Variants in COP1 observed in about 807,000 individuals in gnomAD.
COP1 encodes COP1 E3 ubiquitin ligase, also known as E3 ubiquitin-protein ligase COP1.
A neutral mutation model predicts 101.3 loss-of-function variants in COP1; 24 were observed. The ratio of observed to expected loss-of-function variants is 0.24; its 90% CI spans 0.17 to 0.33. The LOEUF is 0.33. COP1 is among the 10% of genes least tolerant of loss of function. COP1 has a pLI of 1.00. For synonymous variants in COP1, 347 were observed against 341.9 expected (o/e 1.01, Z -0.17); for missense variants, 663 against 906.2 (o/e 0.73, Z 3.45).
chr1:176,173,117 C>G (rs1022630569), intron 3 of COP1, among the ~76,000 whole-genome samples: 3 of 151,996 alleles, frequency 2.0e-5, no homozygotes, highest in African/African-American at 7.2e-5. Flanking sequence ...TGAGACCAGT[C>G]TGGCCAACAT....
intron 5 of COP1, among the ~76,000 whole-genome samples, chr1:176,151,891 C>T (rs1692656139): frequency 6.6e-6 from 1 of 151,430 alleles, no homozygotes; most frequent in Non-Finnish European, 1.5e-5. Context: ...GTTCATCTTC[C>T]CAAGTACAGT....
intron 5 of COP1, among the ~76,000 whole-genome samples, chr1:176,158,627 GTTCT>G (rs1414524117): frequency 3.8e-5 from 5 of 131,790 alleles, no homozygotes; most frequent in African/African-American, 1.4e-4. Context: ...TGTTTTTAAG[GTTCT>G]TTTTTTTTTT....
At chr1:175,997,156 C>G (rs1384436004) in intron 15 of COP1, among the ~76,000 whole-genome samples, 1 of 151,046 alleles carries the variant, frequency 6.6e-6, no homozygotes, top group East Asian at 1.9e-4. Context: ...GGAAAGGATT[C>G]CCTATTTAAT....
intron 15 of COP1, among the ~76,000 whole-genome samples, chr1:176,015,194 T>C (rs900348833): frequency 6.6e-6 from 1 of 152,054 alleles, no homozygotes; most frequent in Admixed American, 6.6e-5. Flanking sequence ...CTAGAGAAGT[T>C]TGAAAGAGAT....
At chr1:176,180,674 T>C (rs1375089211) in intron 2 of COP1, among the ~76,000 whole-genome samples, 3 of 152,226 alleles carry the variant, frequency 2.0e-5, no homozygotes, top group Non-Finnish European at 4.4e-5. Context: ...TGCTAACAAA[T>C]ATAAATATCT....
chr1:175,948,171 T>C (rs1649421536), intron 18 of COP1, among the ~76,000 whole-genome samples: 1 of 152,208 alleles, frequency 6.6e-6, no homozygotes. Flanking sequence ...AAAACATTTC[T>C]CTGGAAAGTA....
chr1:176,058,843 G>A (rs1003375818), intron 11 of COP1, among the ~76,000 whole-genome samples: 2 of 77,802 alleles, frequency 2.6e-5, no homozygotes, highest in Non-Finnish European at 7.1e-5. Flanking sequence ...GTGGTAACAC[G>A]CCTCCTCAGA....
chr1:176,132,072 T>C (rs768398066), intron 8 of COP1, among the ~76,000 whole-genome samples: 1 of 151,648 alleles, frequency 6.6e-6, no homozygotes, highest in East Asian at 1.9e-4. Context: ...ACCTCTTCTA[T>C]CAATAAAATC....
intron 9 of COP1, among the ~76,000 whole-genome samples, chr1:176,097,736 G>A (rs1362991293): frequency 6.6e-6 from 1 of 151,898 alleles, no homozygotes; most frequent in Non-Finnish European, 1.5e-5. Context: ...AGGTGTGGTG[G>A]GACATGCCTG....
rs553240016 is a variant in COP1 at position 175,999,476 on chromosome 1, G to C, written c.1730-9997C>G. 3.9e-4 allele frequency among the ~76,000 whole-genome samples: 59 copies of C among 151,864 alleles called. No homozygotes were observed. In the South Asian group the frequency reaches 9.5e-3, roughly 25 times the overall value. ...TAATGGCTGAATAGTACTCCATTTT[G>C]TATATGTACCACATTTCCCTTATTC... On this transcript the variant is annotated intron_variant, in intron 15 of 19. Coordinates refer to ENST00000367669, the MANE Select transcript of COP1 (RefSeq NM_022457.7).
In COP1 at chr1:176,081,294, GAAA is replaced by G. The variant is rs56720201; in HGVS notation, c.1142-10_1142-8del. The G allele has an allele frequency of 3.7e-3, 4,668 of 1,257,576 alleles. No individual in the cohort carries two copies. Among genetic ancestry groups the G allele is most frequent in the South Asian group, 7.9e-3 (486 of 61,188 alleles). The allele number at this position is 1,257,576 out of a possible 1,614,324, so 77.9% of individuals were successfully genotyped here. A position where few individuals can be genotyped will look rare whatever the true frequency, so the allele number is the denominator to read the frequency against. On this transcript the variant is annotated splice_region_variant and splice_polypyrimidine_tract_variant and intron_variant, in intron 10 of 19. Transcript: ENST00000367669. Reference sequence around the variant, plus strand: ...CTTGCAGTTCGACTGTCATCTATATGAAAAAAAAAAAAAAAAGACAAAACAGAT... The same window carrying G: ...CTTGCAGTTCGACTGTCATCTATATGAAAAAAAAAAAAAGACAAAACAGAT...
chr1:176,155,660 T>C (rs1384375371), intron 5 of COP1, among the ~76,000 whole-genome samples: 2 of 151,878 alleles, frequency 1.3e-5, no homozygotes, highest in African/African-American at 2.4e-5. Flanking sequence ...GATCCTCTTG[T>C]TGCATGAAAC....
intron 2 of COP1, among the ~76,000 whole-genome samples, chr1:176,180,455 T>A (rs1166257017): frequency 6.6e-6 from 1 of 152,120 alleles, no homozygotes; most frequent in Non-Finnish European, 1.5e-5. Flanking sequence ...CAACAACAGG[T>A]GGGCATAACA....
chr1:176,044,140 G>A (rs776842536), intron 12 of COP1, among the ~76,000 whole-genome samples: 9 of 152,166 alleles, frequency 5.9e-5, no homozygotes, highest in Non-Finnish European at 1.3e-4. Context: ...ACTATCCAGA[G>A]GGCTCAAGGC....
intron 15 of COP1, among the ~76,000 whole-genome samples, chr1:176,008,663 T>C (rs537103146): frequency 6.6e-6 from 1 of 152,258 alleles, no homozygotes; most frequent in East Asian, 1.9e-4. Context: ...GCAGACACTT[T>C]GGAAAATACT....
chr1:175,967,488 AAAAC>A (rs71129535), intron 18 of COP1, among the ~76,000 whole-genome samples: 17,075 of 150,990 alleles, frequency 0.11, 1,031 homozygotes, highest in Middle Eastern at 0.17. Context: ...TCAGTCTCAA[AAAAC>A]AAACAAACAA....
At chr1:175,993,242 G>A (rs983692742) in intron 15 of COP1, among the ~76,000 whole-genome samples, 1 of 152,310 alleles carries the variant, frequency 6.6e-6, no homozygotes. Context: ...AAACCCATCT[G>A]TATATCACCA....
chr1:176,170,638 A>G (rs1695901520), intron 3 of COP1, among the ~76,000 whole-genome samples: 2 of 152,352 alleles, frequency 1.3e-5, no homozygotes, highest in South Asian at 4.1e-4. Flanking sequence ...CTATTTGCAG[A>G]GCACAGACAC....
chr1:175,992,224 T>C (rs1296908153), intron 15 of COP1, among the ~76,000 whole-genome samples: 1 of 152,224 alleles, frequency 6.6e-6, no homozygotes, highest in Non-Finnish European at 1.5e-5. Context: ...ACAATCTAAT[T>C]ATACATTTTC....
Sources: allele counts gnomAD v4.1 joint callset (sites outside exome capture counted in the v4.1 genomes callset), GRCh38; gene constraint gnomAD v4.1.1; transcripts MANE v1.5; gene names NCBI Gene and HGNC (gene_info 2026-07-23, HGNC 2026-07-21).